Variants in NEXMIF observed in about 807,000 individuals in gnomAD.
NEXMIF encodes XLMR protein related to neurite extension.
A neutral mutation model predicts 62.1 loss-of-function variants in NEXMIF; 8 were observed. The observed-to-expected ratio is 0.13, with a 90% CI of 0.08 to 0.23. The LOEUF is 0.23. Among genes scored for constraint, NEXMIF ranks in the 10% least tolerant of loss-of-function variants. The pLI, the probability that NEXMIF is intolerant of heterozygous loss-of-function variation, is 1.00. For synonymous variants in NEXMIF, 404 were observed against 416.6 expected (o/e 0.97, Z 0.37); for missense variants, 976 against 1,113.3 (o/e 0.88, Z 1.75).
At chrX:74,779,713 C>G (rs2080240245) in intron 1 of NEXMIF, among the ~76,000 whole-genome samples, 1 of 112,099 alleles carries the variant, frequency 8.9e-6, no homozygotes. Flanking sequence ...TTGCTCCACA[C>G]TATTTGACAC....
At chrX:74,919,435 T>A (rs1330189777) in intron 1 of NEXMIF, among the ~76,000 whole-genome samples, 1 of 111,226 alleles carries the variant, frequency 9.0e-6, no homozygotes, top group Non-Finnish European at 1.9e-5. Flanking sequence ...AGAATCATGG[T>A]TTCTTTCAAA....
chrX:74,809,192 T>C (rs1282682564), intron 1 of NEXMIF, among the ~76,000 whole-genome samples: 1 of 111,909 alleles, frequency 8.9e-6, no homozygotes, highest in African/African-American at 3.3e-5. Flanking sequence ...AGTCTGGTAT[T>C]CTGTTATAGC....
At chrX:74,769,881 A>T in intron 1 of NEXMIF, 1 of 299,252 alleles carries the variant, frequency 3.3e-6, no homozygotes, top group South Asian at 1.1e-4. Flanking sequence ...AAGATAGTCA[A>T]ACCAAGACTT....
intron 1 of NEXMIF, among the ~76,000 whole-genome samples, chrX:74,871,536 G>T (rs2080600879): frequency 9.0e-6 from 1 of 111,069 alleles, no homozygotes; most frequent in Non-Finnish European, 1.9e-5. Flanking sequence ...AAGCCTGAGG[G>T]CACTGCAGGA....
At chrX:74,842,914 T>C (rs766995206) in intron 1 of NEXMIF, among the ~76,000 whole-genome samples, 19 of 112,201 alleles carry the variant, frequency 1.7e-4, no homozygotes, top group African/African-American at 6.1e-4. Context: ...TTTTAGAGTA[T>C]GTGCCACGTG....
intron 1 of NEXMIF, among the ~76,000 whole-genome samples, chrX:74,755,854 A>G (rs2080157566): frequency 8.9e-6 from 1 of 112,040 alleles, no homozygotes; most frequent in African/African-American, 3.2e-5. Context: ...ATCCTCCATC[A>G]GTAAGTGAAC....
At chrX:74,912,852 A>G (rs776455185) in intron 1 of NEXMIF, among the ~76,000 whole-genome samples, 1 of 111,600 alleles carries the variant, frequency 9.0e-6, no homozygotes, top group South Asian at 3.8e-4. Context: ...CCTAACAAGC[A>G]ATAATGAGAA....
chrX:74,817,388 A>C (rs1235778292), intron 1 of NEXMIF, among the ~76,000 whole-genome samples: 1 of 111,654 alleles, frequency 9.0e-6, no homozygotes, highest in Non-Finnish European at 1.9e-5. Context: ...CGGAAGACTA[A>C]GGCAAGGCAA....
chrX:74,820,160 G>T (rs903601323), intron 1 of NEXMIF, among the ~76,000 whole-genome samples: 1 of 109,805 alleles, frequency 9.1e-6, no homozygotes, highest in African/African-American at 3.3e-5. Context: ...ACACAGGGTG[G>T]GGAACATCAC....
At chrX:74,819,901 G>A (rs1022884635) in intron 1 of NEXMIF, among the ~76,000 whole-genome samples, 1 of 111,533 alleles carries the variant, frequency 9.0e-6, no homozygotes, top group African/African-American at 3.3e-5. Context: ...TGTTTATTGC[G>A]GCACTGTTCA....
chrX:74,758,690 T>C (rs992931823), intron 1 of NEXMIF, among the ~76,000 whole-genome samples: 9 of 111,740 alleles, frequency 8.1e-5, no homozygotes, highest in Non-Finnish European at 1.7e-4. Flanking sequence ...ACTAGATTGC[T>C]AAGAATAATG....
At chrX:74,755,464 C>T (rs1403556973) in intron 1 of NEXMIF, among the ~76,000 whole-genome samples, 9 of 111,045 alleles carry the variant, frequency 8.1e-5, no homozygotes, top group African/African-American at 3.0e-4. Flanking sequence ...ATTCTCCTAG[C>T]CTTGTTGATC....
chrX:74,861,932 A>C (rs2080559108), intron 1 of NEXMIF, among the ~76,000 whole-genome samples: 1 of 111,823 alleles, frequency 8.9e-6, no homozygotes, highest in East Asian at 2.8e-4. Context: ...AAGCAACTAC[A>C]TCAACAAGTC....
At chrX:74,820,980 C>G (rs930549007) in intron 1 of NEXMIF, among the ~76,000 whole-genome samples, 3 of 110,998 alleles carry the variant, frequency 2.7e-5, no homozygotes, top group Admixed American at 1.9e-4. Context: ...TGCAATTTAC[C>G]AATGTAACCA....
chrX:74,759,046 A>G (rs902173201), intron 1 of NEXMIF, among the ~76,000 whole-genome samples: 27 of 112,200 alleles, frequency 2.4e-4, no homozygotes, highest in Admixed American at 2.3e-3. Context: ...ATTTTTCTCT[A>G]CAACTTCGCC....
chrX:74,864,553 G>A (rs2080570358), intron 1 of NEXMIF, among the ~76,000 whole-genome samples: 1 of 111,582 alleles, frequency 9.0e-6, no homozygotes, highest in African/African-American at 3.3e-5. Context: ...TTTTATAAAG[G>A]GCAGGTCCAC....
rs965688172 is a variant in NEXMIF at position 74,925,403 on chromosome X, C to T, written c.-568G>A. ...GCCGCTAATGCTACTGCTGTGGCGG[C>T]GGTGGTGGCGGCGGCGGCTGCTGCT... On this transcript the variant is annotated 5_prime_UTR_variant, in exon 1 of 4. Coordinates refer to ENST00000055682, the MANE Select transcript of NEXMIF (RefSeq NM_001008537.3). 4.1e-5 allele frequency: 8 copies of T among 194,973 alleles called. No homozygotes were observed. In the East Asian group the frequency reaches 1.5e-3, roughly 36 times the overall value. 16.1% of individuals were successfully genotyped at this position (194,973 alleles called of 1,213,427 possible).
At chrX:74,766,536 C>T (rs1252188247) in intron 1 of NEXMIF, among the ~76,000 whole-genome samples, 1 of 111,789 alleles carries the variant, frequency 8.9e-6, no homozygotes, top group East Asian at 2.8e-4. Flanking sequence ...ATAGTTGTGA[C>T]TGCATTGTGA....
chrX:74,843,484 G>A (rs965691931), intron 1 of NEXMIF, among the ~76,000 whole-genome samples: 2 of 108,395 alleles, frequency 1.8e-5, no homozygotes, highest in Admixed American at 9.8e-5. Context: ...GTGTGATCTC[G>A]GCTTACTGCA....
Sources: allele counts gnomAD v4.1 joint callset (sites outside exome capture counted in the v4.1 genomes callset), GRCh38; gene constraint gnomAD v4.1.1; transcripts MANE v1.5; gene names NCBI Gene and HGNC (gene_info 2026-07-23, HGNC 2026-07-21).